FSD2: variants seen among roughly 807,000 people sequenced by gnomAD.
The protein encoded by FSD2 is fibronectin type III and SPRY domain containing 2.
In FSD2, 71 loss-of-function variants were observed where a neutral mutation model predicts 80.4. The observed-to-expected ratio is 0.88, with a 90% CI of 0.73 to 1.08. The LOEUF (loss-of-function observed/expected upper bound fraction) is 1.08, where lower values mean the gene tolerates loss of function less well. FSD2 is among the 50% of genes least tolerant of loss of function. FSD2 has a pLI of 0.00. For synonymous variants in FSD2, 361 were observed against 329.5 expected (o/e 1.10, Z -1.03); for missense variants, 923 against 913.8 (o/e 1.01, Z -0.13).
intron 1 of FSD2, among the ~76,000 whole-genome samples, chr15:82,793,347 A>G (rs2050193615): frequency 6.6e-6 from 1 of 152,010 alleles, no homozygotes. Flanking sequence ...CACGTCAAGA[A>G]ATAACTTTAT....
chr15:82,769,306 A>G (rs1166854631), intron 8 of FSD2, among the ~76,000 whole-genome samples: 1 of 152,122 alleles, frequency 6.6e-6, no homozygotes, highest in African/African-American at 2.4e-5. Flanking sequence ...GCAGTGGCTC[A>G]CGCCTGTGAT....
intron 3 of FSD2, among the ~76,000 whole-genome samples, chr15:82,785,598 ACAGG>A (rs1386447694): frequency 6.6e-6 from 1 of 152,196 alleles, no homozygotes; most frequent in African/African-American, 2.4e-5. Context: ...TGCTGGGATT[ACAGG>A]CGTTAGCCAC....
At chr15:82,795,275 C>T (rs1158702683) in intron 1 of FSD2, among the ~76,000 whole-genome samples, 1 of 152,002 alleles carries the variant, frequency 6.6e-6, no homozygotes, top group Admixed American at 6.6e-5. Flanking sequence ...GAGAAGTTTC[C>T]TAAGAATTTC....
intron 1 of FSD2, among the ~76,000 whole-genome samples, chr15:82,801,789 G>A (rs143386569): frequency 5.3e-5 from 8 of 152,220 alleles, no homozygotes; most frequent in Non-Finnish European, 1.0e-4. Context: ...TATCACTTCA[G>A]TAACACCTGC....
At chr15:82,785,773 C>A (rs2049981442) in intron 3 of FSD2, among the ~76,000 whole-genome samples, 1 of 151,418 alleles carries the variant, frequency 6.6e-6, no homozygotes, top group Non-Finnish European at 1.5e-5. Flanking sequence ...ATTATAGGTA[C>A]CCCCAAAAGC....
At chr15:82,779,134 G>GGGTAGA (rs981349341) in intron 5 of FSD2, among the ~76,000 whole-genome samples, 7 of 152,080 alleles carry the variant, frequency 4.6e-5, no homozygotes, top group Non-Finnish European at 8.8e-5. Flanking sequence ...GTCAGAGGGT[G>GGGTAGA]GGTAGAGGGC....
intron 6 of FSD2, among the ~76,000 whole-genome samples, chr15:82,777,108 A>G (rs1319307033): frequency 6.6e-6 from 1 of 152,220 alleles, no homozygotes; most frequent in Non-Finnish European, 1.5e-5. Context: ...AAACCCTGAA[A>G]CTGTATAACT....
intron 6 of FSD2, 58 bp from the exon 7 acceptor site, chr15:82,772,286 G>A: frequency 6.6e-7 from 1 of 1,521,148 alleles, no homozygotes. Context: ...GGGTGACAGT[G>A]GCCCCTTTCC....
chr15:82,766,577 A>T (rs1365244488), intron 9 of FSD2, among the ~76,000 whole-genome samples: 1 of 152,054 alleles, frequency 6.6e-6, no homozygotes, highest in Non-Finnish European at 1.5e-5. Flanking sequence ...CCCCGTCTCT[A>T]CTAAAAATGC....
At chr15:82,759,940 T>G (rs1451999019) in intron 12 of FSD2, among the ~76,000 whole-genome samples, 3 of 151,254 alleles carry the variant, frequency 2.0e-5, no homozygotes, top group Non-Finnish European at 4.4e-5. Context: ...ATTACAGGCG[T>G]GCACCACCAA....
rs1270070488 is a variant in FSD2, at chr15:82,782,954, T to A, written c.807A>T (p.Lys269Asn). The change falls in exon 4 of 13, where the codon AAA (lysine) becomes AAT (asparagine). Residue 269 changes from lysine to asparagine, a missense_variant. Physicochemically the swap from Lys to Asn is moderately conservative, Grantham distance 94. Coordinates refer to ENST00000334574, the MANE Select transcript of FSD2 (RefSeq NM_001007122.4). ...YNEILETLAQ[K>N]YEEKIQALGE... ...CTAGAGCTTGTATTTTTTCCTCATATTTTTGAGCAAGTGTTTCCAAGATCT... is the reference window on the plus strand; with the variant it reads ...CTAGAGCTTGTATTTTTTCCTCATAATTTTGAGCAAGTGTTTCCAAGATCT... The A allele has an allele frequency of 6.2e-7, 1 of 1,613,902 alleles. No individual in the cohort carries two copies. The highest frequency in any genetic ancestry group is 1.7e-5 in the Admixed American group (1 of 59,990).
In FSD2 at chr15:82,764,492, C is replaced by CTTTTTTTTTTTTTTTTTTTTTTT. The variant is rs60095355; in HGVS notation, c.1820+673_1820+674insAAAAAAAAAAAAAAAAAAAAAAA. 4.9e-3 allele frequency among the ~76,000 whole-genome samples: 419 copies of CTTTTTTTTTTTTTTTTTTTTTTT among 86,084 alleles called. 50 individuals carry two copies. Among genetic ancestry groups the CTTTTTTTTTTTTTTTTTTTTTTT allele is most frequent in the Middle Eastern group, 6.8e-3 (1 of 148 alleles). 56.5% of individuals were successfully genotyped at this position (86,084 alleles called of 152,430 possible). A position where few individuals can be genotyped will look rare whatever the true frequency, so the allele number is the denominator to read the frequency against. On this transcript the variant is annotated intron_variant, in intron 11 of 12. Coordinates refer to ENST00000334574, the MANE Select transcript of FSD2 (RefSeq NM_001007122.4). ...CTCTTGTTGCTTCATTCTTTACTTGCTTTTTTTTTTTTTTTTTTTTGAGAA... is the reference window on the plus strand; with the variant it reads ...CTCTTGTTGCTTCATTCTTTACTTGCTTTTTTTTTTTTTTTTTTTTTTTTTTTTTTTTTTTTTTTTTTTGAGAA...
chr15:82,779,649 A>G (rs1312908919), intron 5 of FSD2, among the ~76,000 whole-genome samples: 1 of 151,048 alleles, frequency 6.6e-6, no homozygotes, highest in Non-Finnish European at 1.5e-5. Flanking sequence ...CTGGGCAACA[A>G]GAACGAAACT....
Position 82,781,785 on chromosome 15 carries a change from C to T in FSD2, c.966+1010G>A, listed in dbSNP as rs865849070. 3.9e-5 allele frequency among the ~76,000 whole-genome samples: 6 copies of T among 152,038 alleles called. No homozygotes were observed. The East Asian group carries it at 5.8e-4, about 15-fold the overall frequency. On this transcript the variant is annotated intron_variant, in intron 4 of 12. Transcript: ENST00000334574. ...AACTCTTAGAGCACTCTTGGCCGGGCGCGGTGGCTCACGCCTGTAATCTCA... is the reference window on the plus strand; with the variant it reads ...AACTCTTAGAGCACTCTTGGCCGGGTGCGGTGGCTCACGCCTGTAATCTCA...
intron 1 of FSD2, among the ~76,000 whole-genome samples, chr15:82,796,799 G>T (rs2050282160): frequency 6.6e-6 from 1 of 152,086 alleles, no homozygotes; most frequent in Middle Eastern, 3.2e-3. Flanking sequence ...TTTCCAAGGG[G>T]TACATGGTAT....
intron 1 of FSD2, among the ~76,000 whole-genome samples, chr15:82,789,115 T>C (rs1408525046): frequency 6.6e-6 from 1 of 152,072 alleles, no homozygotes; most frequent in Non-Finnish European, 1.5e-5. Flanking sequence ...CACTACAGAA[T>C]TTTTTTAAGT....
Position 82,757,351 on chromosome 15 carries a change from C to CTTTTTTT in FSD2, c.*1990_*1996dup, listed in dbSNP as rs71455423. 1.8e-5 allele frequency: 2 copies of CTTTTTTT among 112,092 alleles called. No homozygotes were observed. Among genetic ancestry groups the CTTTTTTT allele is most frequent in the African/African-American group, 3.3e-5 (1 of 30,056 alleles). 6.9% of individuals were successfully genotyped at this position (112,092 alleles called of 1,614,324 possible). On this transcript the variant is annotated 3_prime_UTR_variant, in exon 13 of 13. Transcript: ENST00000334574. ...TAGTTTCTATTTCAGTAGCTGAGAA[C>CTTTTTTT]TTTTTTTTTTTTTTTTTTTGAGATG...
intron 11 of FSD2, among the ~76,000 whole-genome samples, chr15:82,764,571 C>T (rs562777739): frequency 4.2e-5 from 6 of 144,424 alleles, no homozygotes; most frequent in Admixed American, 1.5e-4. Flanking sequence ...CTCCGCCCCG[C>T]GGGTTCAAGC....
At chr15:82,770,815 T>C (rs1328763126) in intron 7 of FSD2, among the ~76,000 whole-genome samples, 1 of 152,240 alleles carries the variant, frequency 6.6e-6, no homozygotes, top group Admixed American at 6.5e-5. Flanking sequence ...TGATAACTCC[T>C]TAATTTACGT....
Sources: gnomAD v4.1 joint callset for allele counts (sites outside exome capture counted in the v4.1 genomes callset) on GRCh38, gnomAD v4.1.1 for gene constraint, MANE v1.5 for transcripts, NCBI Gene and HGNC (gene_info 2026-07-23, HGNC 2026-07-21) for gene names.